Variants in RPS6KC1 observed in about 807,000 individuals in gnomAD.
RPS6KC1 encodes the protein inactive ribosomal protein S6 kinase delta-1.
Under a neutral mutation model 103.8 loss-of-function variants are expected in RPS6KC1, and 54 were observed. The observed-to-expected ratio is 0.52, with a 90% CI of 0.42 to 0.65. RPS6KC1 has a LOEUF of 0.65. Ranked by LOEUF, RPS6KC1 falls within the 30% of genes least tolerant of loss-of-function variation. The pLI is 0.00. For missense variants in RPS6KC1, 1,151 were observed against 1,253.8 expected (o/e 0.92, Z 1.24); for synonymous variants, 439 against 438.7 (o/e 1.00, Z -0.01).
At chr1:213,302,949 T>G in the RPS6KC1 span, among the ~76,000 whole-genome samples, 4 of 152,238 alleles carry the variant, frequency 2.6e-5, no homozygotes, top group African/African-American at 9.6e-5. Flanking sequence ...ATCTGACAGC[T>G]TGAGAGAATC....
At chr1:213,301,560 A>G in the RPS6KC1 span, among the ~76,000 whole-genome samples, 20 of 152,236 alleles carry the variant, frequency 1.3e-4, no homozygotes, top group African/African-American at 4.3e-4. Flanking sequence ...GTAGCTGGCC[A>G]TGGTGGTGCA....
rs554558901 is a variant in RPS6KC1, at chr1:213,103,609, C to A, written c.263-845C>A. 5.3e-5 allele frequency among the ~76,000 whole-genome samples: 8 copies of A among 152,244 alleles called. No homozygotes were observed. The South Asian group carries it at 1.7e-3, about 32-fold the overall frequency. On this transcript the variant is annotated intron_variant, in intron 3 of 14. Coordinates refer to ENST00000366960, the MANE Select transcript of RPS6KC1 (RefSeq NM_012424.6). ...CACTTGCCAGTCATATAGGCACTTGCCTTGCCTATATAACTAGGAATCTCT... is the reference window on the plus strand; with the variant it reads ...CACTTGCCAGTCATATAGGCACTTGACTTGCCTATATAACTAGGAATCTCT...
chr1:213,490,603 T>A, the RPS6KC1 span, among the ~76,000 whole-genome samples: 1 of 152,262 alleles, frequency 6.6e-6, no homozygotes, highest in East Asian at 1.9e-4. Flanking sequence ...TCTGTGGTCA[T>A]CAGAGGAAGG....
the RPS6KC1 span, among the ~76,000 whole-genome samples, chr1:213,516,270 A>C: frequency 6.6e-6 from 1 of 151,868 alleles, no homozygotes; most frequent in Non-Finnish European, 1.5e-5. Flanking sequence ...CACTATGTTG[A>C]ATAGGAGTGG....
At chr1:213,166,117 T>G (rs963977463) in intron 6 of RPS6KC1, among the ~76,000 whole-genome samples, 1 of 152,164 alleles carries the variant, frequency 6.6e-6, no homozygotes. Flanking sequence ...TCCAAATTAT[T>G]TGGTGAGTTT....
At chr1:213,090,755 G>T (rs2080888517) in intron 3 of RPS6KC1, among the ~76,000 whole-genome samples, 2 of 151,954 alleles carry the variant, frequency 1.3e-5, no homozygotes, top group Admixed American at 1.3e-4. Flanking sequence ...TGTTTATGTA[G>T]GTTTTAGCTA....
chr1:213,328,551 A>G, the RPS6KC1 span, among the ~76,000 whole-genome samples: 1 of 134,688 alleles, frequency 7.4e-6, no homozygotes, highest in Non-Finnish European at 1.7e-5. Flanking sequence ...TCACACACAC[A>G]CGTGCACAAA....
chr1:213,516,330 A>C, the RPS6KC1 span, among the ~76,000 whole-genome samples: 1 of 152,104 alleles, frequency 6.6e-6, no homozygotes, highest in Non-Finnish European at 1.5e-5. Context: ...GAATGCTTCC[A>C]GTTTTTGCCC....
At chr1:213,402,958 CAA>C in the RPS6KC1 span, among the ~76,000 whole-genome samples, 6,672 of 111,490 alleles carry the variant, frequency 0.06, 370 homozygotes, top group African/African-American at 0.18. Flanking sequence ...ACTAAAAATA[CAA>C]AAAAAAAAAA....
chr1:213,753,814 C>T, the RPS6KC1 span, among the ~76,000 whole-genome samples: 3,215 of 152,312 alleles, frequency 0.021, 121 homozygotes, highest in African/African-American at 0.073. Flanking sequence ...GGTGCTCCAT[C>T]AGTGTGTGGA....
At chr1:213,170,573 T>A (rs1363548182) in intron 7 of RPS6KC1, among the ~76,000 whole-genome samples, 1 of 152,238 alleles carries the variant, frequency 6.6e-6, no homozygotes, top group Non-Finnish European at 1.5e-5. Flanking sequence ...TGGGAAATTC[T>A]ATCAGAAAGG....
chr1:213,834,727 CA>C, the RPS6KC1 span, among the ~76,000 whole-genome samples: 17 of 152,054 alleles, frequency 1.1e-4, no homozygotes, highest in African/African-American at 3.6e-4. Context: ...CACACACACA[CA>C]CCCCAAAATG....
At chr1:213,669,374 G>T in the RPS6KC1 span, among the ~76,000 whole-genome samples, 1 of 152,132 alleles carries the variant, frequency 6.6e-6, no homozygotes, top group African/African-American at 2.4e-5. Flanking sequence ...GGTGGCCAGT[G>T]GGCAGAGTGG....
the RPS6KC1 span, among the ~76,000 whole-genome samples, chr1:213,393,636 T>TTGGTCCTTGAAA: frequency 6.6e-6 from 1 of 152,210 alleles, no homozygotes; most frequent in Non-Finnish European, 1.5e-5. Flanking sequence ...TTTTTGCTAT[T>TTGGTCCTTGAAA]TGGTCCTTGA....
chr1:213,250,762 A>C lies in RPS6KC1; in HGVS notation c.2911+8104A>C, dbSNP rs12085937. 7.0e-3 allele frequency among the ~76,000 whole-genome samples: 1,063 copies of C among 152,312 alleles called. 14 individuals carry two copies. Among genetic ancestry groups the C allele is most frequent in the African/African-American group, 0.024 (1,006 of 41,570 alleles). ...GGAATTAAAATGAAATTTTATTCTCATAGTTGCTATGGCTTTTAGTTTTGC... is the reference window on the plus strand; with the variant it reads ...GGAATTAAAATGAAATTTTATTCTCCTAGTTGCTATGGCTTTTAGTTTTGC... On this transcript the variant is annotated intron_variant, in intron 12 of 14. Transcript: ENST00000366960.
At chr1:213,669,529 CATT>C in the RPS6KC1 span, among the ~76,000 whole-genome samples, 52 of 152,104 alleles carry the variant, frequency 3.4e-4, no homozygotes, top group Non-Finnish European at 3.1e-4. Context: ...AAGTTTGAAA[CATT>C]GTGAGAATTA....
the RPS6KC1 span, among the ~76,000 whole-genome samples, chr1:213,413,742 G>A: frequency 1.3e-5 from 2 of 152,134 alleles, no homozygotes; most frequent in Admixed American, 6.6e-5. Context: ...CTTCATTTCT[G>A]TGCTATCCTA....
chr1:213,347,415 A>G, the RPS6KC1 span, among the ~76,000 whole-genome samples: 4 of 152,214 alleles, frequency 2.6e-5, no homozygotes, highest in Non-Finnish European at 5.9e-5. Context: ...ATTACAATGT[A>G]TGGATTGGCT....
At chr1:213,380,786 T>A in the RPS6KC1 span, among the ~76,000 whole-genome samples, 3 of 152,172 alleles carry the variant, frequency 2.0e-5, no homozygotes, top group Admixed American at 2.0e-4. Context: ...TTCTTCTTCC[T>A]CGTCTCAGTA....
Sources: allele counts gnomAD v4.1 joint callset (sites outside exome capture counted in the v4.1 genomes callset), GRCh38; gene constraint gnomAD v4.1.1; transcripts MANE v1.5; gene names NCBI Gene and HGNC (gene_info 2026-07-23, HGNC 2026-07-21).